Variants in SPDL1 observed in about 807,000 individuals in gnomAD.
The protein encoded by SPDL1 is spindle apparatus coiled-coil protein 1, also known as protein Spindly.
Under a neutral mutation model 79.5 loss-of-function variants are expected in SPDL1, and 85 were observed. That is an observed-to-expected ratio of 1.07 (90% CI 0.90 to 1.28). The LOEUF (loss-of-function observed/expected upper bound fraction) is 1.28, where lower values mean the gene tolerates loss of function less well. SPDL1 is among the 50% of genes most tolerant of loss of function. The pLI, the probability that SPDL1 is intolerant of heterozygous loss-of-function variation, is 0.00. For synonymous variants in SPDL1, 269 were observed against 240.3 expected (o/e 1.12, Z -1.10); for missense variants, 703 against 697.8 (o/e 1.01, Z -0.08).
rs961985297 is a variant in SPDL1 at position 169,604,287 on chromosome 5, T to C, written c.*80T>C. The C allele has an allele frequency of 2.3e-6, 3 of 1,313,830 alleles. No homozygotes were observed. The highest frequency in any genetic ancestry group is 3.0e-5 in the African/African-American group (2 of 66,600). The allele number at this position is 1,313,830 out of a possible 1,614,324, so 81.4% of individuals were successfully genotyped here. A position where few individuals can be genotyped will look rare whatever the true frequency, so the allele number is the denominator to read the frequency against. ...CTTAAGATTGTCTTGATCTGACATATATCACCTTCTGGGTTATTTACTCAT... is the reference window on the plus strand; with the variant it reads ...CTTAAGATTGTCTTGATCTGACATACATCACCTTCTGGGTTATTTACTCAT... On this transcript the variant is annotated 3_prime_UTR_variant, in exon 12 of 12. Coordinates refer to ENST00000265295, the MANE Select transcript of SPDL1 (RefSeq NM_017785.5).
intron 1 of SPDL1, among the ~76,000 whole-genome samples, chr5:169,584,669 A>G (rs1047258654): frequency 6.6e-6 from 1 of 152,194 alleles, no homozygotes. Context: ...GAGAAGCAGG[A>G]CAGGAAAAAT....
intron 10 of SPDL1, among the ~76,000 whole-genome samples, chr5:169,600,135 T>G (rs1001095855): frequency 1.1e-4 from 16 of 152,136 alleles, no homozygotes. Context: ...GTGTTACATG[T>G]TTTAGGTTAA....
At position 169,593,407 on chromosome 5, in the gene SPDL1, G is replaced by A. The variant is rs1343536943; in HGVS notation, c.390G>A (p.Leu130=). The A allele has an allele frequency of 6.2e-7, 1 of 1,613,482 alleles. No individual in the cohort carries two copies. Among genetic ancestry groups the A allele is most frequent in the Admixed American group, 1.7e-5 (1 of 59,920 alleles). Residue 130 remains leucine, a synonymous_variant, in exon 4 of 12, where the codon CTG becomes CTA. Transcript: ENST00000265295. The part of the protein sequence containing the change: ...LDEARLSEKQ[L]KHQVDHQKEL... ...AAGCCAGGCTTAGTGAAAAGCAGCT[G>A]AAGCACCAAGTAGATCATCAGAAGG...
chr5:169,596,732 C>CAAA (rs779431833), intron 8 of SPDL1, 31 bp downstream of exon 8: 1 of 1,520,492 alleles, frequency 6.6e-7, no homozygotes, highest in South Asian at 1.3e-5. Context: ...AACACACATC[C>CAAA]AAATTTTGAT....
Position 169,594,374 on chromosome 5 carries a change from T to C in SPDL1, c.682-20T>C. The C allele has an allele frequency of 6.2e-7, 1 of 1,613,494 alleles. No individual in the cohort carries two copies. Among genetic ancestry groups the C allele is most frequent in the African/African-American group, 1.3e-5 (1 of 75,014 alleles). On this transcript the variant is annotated intron_variant, in intron 5 of 11. Coordinates refer to ENST00000265295, the MANE Select transcript of SPDL1 (RefSeq NM_017785.5). ...GCTAATGTAATCTCTGTTGCCTAAA[T>C]TGTTTTCTTTTGAATTTAGAAAGCT...
intron 11 of SPDL1, 71 bp downstream of exon 11, chr5:169,601,696 GCTGT>G (rs777959885): frequency 7.5e-7 from 1 of 1,327,146 alleles, no homozygotes; most frequent in Middle Eastern, 1.8e-4. Context: ...CATGAACTGT[GCTGT>G]CTGTTTCTTT....
chr5:169,586,024 TACAA>T (rs927969305), intron 1 of SPDL1: 17 of 152,252 alleles, frequency 1.1e-4, no homozygotes, highest in African/African-American at 2.9e-4. Context: ...TCCCATGACC[TACAA>T]ACACTGTTAT....
chr5:169,591,216 A>G lies in SPDL1; in HGVS notation c.328A>G (p.Lys110Glu). Residue 110 changes from lysine to glutamate, a missense_variant, in exon 3 of 12, where the codon AAA (lysine) becomes GAA (glutamate). By Grantham distance (56) the Lys-to-Glu change is moderately conservative. Coordinates refer to ENST00000265295, the MANE Select transcript of SPDL1 (RefSeq NM_017785.5). ...RSHGQEVNEL[K>E]TKIEKLKVEL... ...CCATGGACAGGAAGTGAATGAACTAAAAACTAAGGTTGGGATATCTGCGTA... is the reference window on the plus strand; with the variant it reads ...CCATGGACAGGAAGTGAATGAACTAGAAACTAAGGTTGGGATATCTGCGTA... 2 of 1,612,742 alleles carry G rather than the reference A, an allele frequency of 1.2e-6. No individual in the cohort carries two copies. Among genetic ancestry groups the G allele is most frequent in the Non-Finnish European group, 1.7e-6 (2 of 1,179,550 alleles).
At chr5:169,594,729 G>A in intron 7 of SPDL1, 48 bp downstream of exon 7, 3 of 1,300,314 alleles carry the variant, frequency 2.3e-6, no homozygotes, top group Non-Finnish European at 3.3e-6. Flanking sequence ...TTTTGTGTCA[G>A]CATTACATGT....
In SPDL1 at chr5:169,590,799, T is replaced by TA. The variant is rs1211047399; in HGVS notation, c.160-248dup. ...TGTTGACATACCATGGAGCACATTT[T>TA]ACTTCCTTGACAAGGCACAGAAGCA... is the stretch of plus-strand genomic sequence containing the variant. On this transcript the variant is annotated intron_variant, in intron 2 of 11. Transcript: ENST00000265295. 3 of 533,872 alleles carry TA rather than the reference T, an allele frequency of 5.6e-6. No homozygotes were observed. In the East Asian group the frequency reaches 1.4e-4, roughly 25 times the overall value. 33.1% of individuals were successfully genotyped at this position (533,872 alleles called of 1,614,324 possible).
chr5:169,601,245 G>A (rs779695669), intron 10 of SPDL1, 35 bp from the exon 11 acceptor site: 14 of 1,557,896 alleles, frequency 9.0e-6, no homozygotes, highest in Non-Finnish European at 1.1e-5. Flanking sequence ...TGTTTTCTTA[G>A]ATTTTTTCTT....
Position 169,594,662 on chromosome 5 carries a change from A to G in SPDL1, c.872A>G (p.Glu291Gly), listed in dbSNP as rs1336862042. 3.1e-6 allele frequency: 5 copies of G among 1,612,452 alleles called. No homozygotes were observed. In the African/African-American group the frequency reaches 6.7e-5, roughly 22 times the overall value. ...AAGAAGCAAAATGTATTTAACAGAG[A>G]ACAGATGCAGAGAATGAAGGTATAG... ...SLKKQNVFNR[E>G]QMQRMKLQIA... The change falls in exon 7 of 12, where the codon GAA becomes GGA. Residue 291 changes from glutamate (E) to glycine (G), a missense_variant. By Grantham distance (98) the Glu-to-Gly change is moderately conservative. Coordinates refer to ENST00000265295, the MANE Select transcript of SPDL1 (RefSeq NM_017785.5).
intron 3 of SPDL1, among the ~76,000 whole-genome samples, chr5:169,592,241 G>C (rs1423837336): frequency 8.3e-5 from 9 of 108,514 alleles, no homozygotes; most frequent in African/African-American, 3.3e-4. Context: ...TTTTGAGGCA[G>C]AGTCTCACAC....
chr5:169,602,197 G>A (rs935979018), intron 11 of SPDL1, among the ~76,000 whole-genome samples: 1 of 152,164 alleles, frequency 6.6e-6, no homozygotes, highest in South Asian at 2.1e-4. Context: ...AAGAAATAGC[G>A]TCAGATATGT....
At chr5:169,594,896 A>G (rs1202607697) in intron 7 of SPDL1, among the ~76,000 whole-genome samples, 2 of 152,184 alleles carry the variant, frequency 1.3e-5, no homozygotes, top group Non-Finnish European at 1.5e-5. Flanking sequence ...ATATTTAGCA[A>G]TGATTATTGT....
intron 1 of SPDL1, among the ~76,000 whole-genome samples, chr5:169,585,659 G>A (rs1754952651): frequency 6.6e-6 from 1 of 152,202 alleles, no homozygotes; most frequent in African/African-American, 2.4e-5. Flanking sequence ...GCCGTATCAT[G>A]TACAGGCTTT....
chr5:169,592,212 T>TTC (rs1554130826), intron 3 of SPDL1, among the ~76,000 whole-genome samples: 1 of 43,348 alleles, frequency 2.3e-5, no homozygotes, highest in Admixed American at 2.3e-4. Flanking sequence ...TATTTTTTTT[T>TTC]CCTTTTTTTT....
chr5:169,604,092 T>G lies in SPDL1; in HGVS notation c.1703T>G (p.Val568Gly), dbSNP rs754883448. The change falls in exon 12 of 12, where the codon GTT (valine) becomes GGT (glycine). Residue 568 changes from valine (V) to glycine (G), a missense_variant. Coordinates refer to ENST00000265295, the MANE Select transcript of SPDL1 (RefSeq NM_017785.5). ...LAAESKLQTEVKEGKETSSKL... is the reference protein window; with the variant it reads ...LAAESKLQTEGKEGKETSSKL... Reference sequence around the variant, plus strand: ...GCTGAATCAAAGCTTCAAACAGAAGTTAAAGAAGGAAAAGAAACTTCAAGC... The same window carrying G: ...GCTGAATCAAAGCTTCAAACAGAAGGTAAAGAAGGAAAAGAAACTTCAAGC... 1 of 1,612,696 alleles carries G rather than the reference T, an allele frequency of 6.2e-7. No homozygotes were observed. Among genetic ancestry groups the G allele is most frequent in the South Asian group, 1.1e-5 (1 of 90,852 alleles).
At chr5:169,598,653 G>GT in intron 9 of SPDL1, 74 bp downstream of exon 9, 2 of 1,288,368 alleles carry the variant, frequency 1.6e-6, no homozygotes, top group East Asian at 2.3e-5. Flanking sequence ...TGACTACAAA[G>GT]TTTTTTTGAA....
Sources: gnomAD v4.1 joint callset for allele counts (sites outside exome capture counted in the v4.1 genomes callset) on GRCh38, gnomAD v4.1.1 for gene constraint, MANE v1.5 for transcripts, NCBI Gene and HGNC (gene_info 2026-07-23, HGNC 2026-07-21) for gene names.